LGSN: variants seen among roughly 807,000 people sequenced by gnomAD.
LGSN encodes the protein lengsin, lens protein with glutamine synthetase domain.
LGSN carries 21 observed loss-of-function variants against 19.5 expected under a neutral mutation model. The ratio of observed to expected loss-of-function variants is 1.07; its 90% CI spans 0.76 to 1.55. The LOEUF is 1.55. LGSN is among the 40% of genes most tolerant of loss of function. The probability of loss-of-function intolerance (pLI) is 0.00; values close to 1 mark genes in which losing one functional copy is unlikely to be tolerated. For synonymous variants in LGSN, 257 were observed against 215.6 expected (o/e 1.19, Z -1.68); for missense variants, 673 against 608.5 (o/e 1.11, Z -1.12).
At chr6:63,347,648 T>C in the LGSN span, among the ~76,000 whole-genome samples, 1 of 152,210 alleles carries the variant, frequency 6.6e-6, no homozygotes, top group Non-Finnish European at 1.5e-5. Flanking sequence ...AAGGAACTGC[T>C]TATCTTACAG....
chr6:63,527,009 A>G, the LGSN span, among the ~76,000 whole-genome samples: 2 of 151,856 alleles, frequency 1.3e-5, no homozygotes, highest in Non-Finnish European at 1.5e-5. Context: ...ACATGAGCTC[A>G]TTGTTGTTCC....
At chr6:63,513,548 T>A in the LGSN span, among the ~76,000 whole-genome samples, 1 of 152,192 alleles carries the variant, frequency 6.6e-6, no homozygotes, top group Admixed American at 6.5e-5. Flanking sequence ...GTACTTTTCA[T>A]ACTCTAGTTT....
At chr6:63,322,901 T>G (rs943018345), upstream of LGSN, among the ~76,000 whole-genome samples, 5 of 152,198 alleles carry the variant, frequency 3.3e-5, no homozygotes, top group Admixed American at 6.5e-5. Context: ...TTCATTTGTT[T>G]CAGAAAGGGA....
chr6:63,490,855 G>A, the LGSN span, among the ~76,000 whole-genome samples: 8 of 152,262 alleles, frequency 5.3e-5, no homozygotes, highest in East Asian at 7.7e-4. Context: ...TGGGACCAAC[G>A]GGAGCCAATG....
the LGSN span, among the ~76,000 whole-genome samples, chr6:63,438,339 C>A: frequency 9.9e-5 from 15 of 152,162 alleles, no homozygotes; most frequent in African/African-American, 3.6e-4. Context: ...GCAACAAAAG[C>A]CAAAATTGAC....
At chr6:63,327,861 C>A in the LGSN span, among the ~76,000 whole-genome samples, 21 of 152,218 alleles carry the variant, frequency 1.4e-4, no homozygotes, top group African/African-American at 5.1e-4. Flanking sequence ...GCTTATGCTG[C>A]TGTTCTCCCC....
upstream of LGSN, among the ~76,000 whole-genome samples, chr6:63,320,690 G>A (rs1321334641): frequency 6.6e-6 from 1 of 152,166 alleles, no homozygotes; most frequent in East Asian, 1.9e-4. Context: ...CACTTCTGCT[G>A]CTATCAACTC....
the LGSN span, among the ~76,000 whole-genome samples, chr6:63,352,869 T>C: frequency 6.6e-6 from 1 of 152,056 alleles, no homozygotes; most frequent in Non-Finnish European, 1.5e-5. Flanking sequence ...TTTTTTTTAA[T>C]GCCACAATAT....
chr6:63,381,689 A>G, the LGSN span, among the ~76,000 whole-genome samples: 2 of 152,210 alleles, frequency 1.3e-5, no homozygotes, highest in Non-Finnish European at 2.9e-5. Context: ...GTTGGACCAA[A>G]ATGGCCATGA....
At chr6:63,537,936 G>T in the LGSN span, among the ~76,000 whole-genome samples, 1 of 152,180 alleles carries the variant, frequency 6.6e-6, no homozygotes, top group Non-Finnish European at 1.5e-5. Flanking sequence ...GAGTTTAAAA[G>T]AACAGAAAAG....
the LGSN span, among the ~76,000 whole-genome samples, chr6:63,433,871 A>T: frequency 1.3e-5 from 2 of 152,206 alleles, no homozygotes; most frequent in African/African-American, 2.4e-5. Context: ...TGAGTAAAAA[A>T]GTTGTATACT....
chr6:63,295,304 C>T (rs1234548065), intron 1 of LGSN, among the ~76,000 whole-genome samples: 1 of 152,088 alleles, frequency 6.6e-6, no homozygotes. Context: ...AAAATCGTGT[C>T]TAATTACTCA....
the LGSN span, among the ~76,000 whole-genome samples, chr6:63,343,978 G>A: frequency 6.6e-6 from 1 of 151,982 alleles, no homozygotes; most frequent in South Asian, 2.1e-4. Context: ...CACCAGCAAG[G>A]AAACAGGGAC....
chr6:63,531,243 A>G, the LGSN span, among the ~76,000 whole-genome samples: 1 of 152,132 alleles, frequency 6.6e-6, no homozygotes, highest in Admixed American at 6.5e-5. Context: ...CTCTAAACTA[A>G]TCACAGACTA....
chr6:63,444,639 G>A, the LGSN span, among the ~76,000 whole-genome samples: 61 of 152,270 alleles, frequency 4.0e-4, no homozygotes, highest in East Asian at 0.011. Context: ...AACTTCCCTA[G>A]GGACCTGAGA....
chr6:63,495,872 T>C, the LGSN span, among the ~76,000 whole-genome samples: 8 of 152,102 alleles, frequency 5.3e-5, no homozygotes, highest in African/African-American at 1.9e-4. Context: ...GACATGAATG[T>C]TTGTAAATGG....
At chr6:63,462,904 C>G in the LGSN span, among the ~76,000 whole-genome samples, 2 of 152,134 alleles carry the variant, frequency 1.3e-5, no homozygotes, top group Non-Finnish European at 2.9e-5. Flanking sequence ...TCAGGTGTGT[C>G]TTAGGAGAAA....
At chr6:63,311,515 A>G (rs927818096) in intron 1 of LGSN, among the ~76,000 whole-genome samples, 3 of 152,184 alleles carry the variant, frequency 2.0e-5, no homozygotes, top group Non-Finnish European at 2.9e-5. Context: ...CATTGTCCCC[A>G]CAAACTTTTT....
At chr6:63,468,489 G>A in the LGSN span, among the ~76,000 whole-genome samples, 14 of 151,978 alleles carry the variant, frequency 9.2e-5, no homozygotes, top group South Asian at 2.1e-4. Flanking sequence ...ATGCAGTGGC[G>A]AGCTCTCAGT....
Sources: gnomAD v4.1 joint callset for allele counts (sites outside exome capture counted in the v4.1 genomes callset) on GRCh38, gnomAD v4.1.1 for gene constraint, MANE v1.5 for transcripts, NCBI Gene and HGNC (gene_info 2026-07-23, HGNC 2026-07-21) for gene names.